The following XPO6 variants were observed in gnomAD, a reference collection of about 807,000 sequenced individuals.
The protein encoded by XPO6 is exportin 6, also known as exportin-6.
A neutral mutation model predicts 130.0 loss-of-function variants in XPO6; 3 were observed. The ratio of observed to expected loss-of-function variants is 0.02; its 90% CI spans 0.01 to 0.06. The LOEUF (loss-of-function observed/expected upper bound fraction) is 0.06. XPO6 is among the 10% of genes least tolerant of loss of function. The pLI is 1.00. For missense variants in XPO6, 970 were observed against 1,393.0 expected, an observed-to-expected ratio of 0.70 and a Z score of 4.83; for synonymous variants, 524 against 548.9, an observed-to-expected ratio of 0.95 and a Z score of 0.63.
chr16:28,123,359 C>T (rs148595345), intron 13 of XPO6, among the ~76,000 whole-genome samples: 26 of 151,314 alleles, frequency 1.7e-4, no homozygotes, highest in African/African-American at 5.2e-4. Context: ...CTGCTCACCT[C>T]AGCCTCCCAA....
intron 1 of XPO6, among the ~76,000 whole-genome samples, chr16:28,197,850 C>T (rs540329583): frequency 4.0e-4 from 55 of 136,426 alleles, no homozygotes; most frequent in African/African-American, 1.3e-3. Context: ...ACCCGGGAGG[C>T]GGAGGTTACA....
Position 28,132,654 on chromosome 16 carries a change from T to TA in XPO6, c.1537-252dup, listed in dbSNP as rs11291125. Among the ~76,000 whole-genome samples the TA allele has an allele frequency of 0.26, 36,356 of 138,188 alleles. 4,640 individuals are homozygous for TA. Among genetic ancestry groups the TA allele is most frequent in the Middle Eastern group, 0.32 (89 of 278 alleles). The allele number at this position is 138,188 out of a possible 152,430, so 90.7% of individuals were successfully genotyped here. A position where few individuals can be genotyped will look rare whatever the true frequency, so the allele number is the denominator to read the frequency against. On this transcript the variant is annotated intron_variant, in intron 11 of 23. Coordinates refer to ENST00000304658, the MANE Select transcript of XPO6 (RefSeq NM_015171.4). The surrounding 1 kb of genome is among the most constrained non-coding windows in gnomAD (Gnocchi z 4.0). ...AAACGTATTAGTTCAACCCTTTTTT[T>TA]AAAAAAAAAAAAAAAGCAAAGGACA... is the stretch of plus-strand genomic sequence containing the variant.
Position 28,156,212 on chromosome 16 carries a change from A to G in XPO6, c.959T>C (p.Met320Thr). 6.2e-7 allele frequency: 1 copy of G among 1,614,152 alleles called. No individual in the cohort carries two copies. Among genetic ancestry groups the G allele is most frequent in the Non-Finnish European group, 8.5e-7 (1 of 1,180,014 alleles). ...VLAMSCINEL[M>T]SKNCVPMEFE... The stretch of plus-strand genomic sequence containing the variant: ...TTCCATAGGCACACAGTTCTTGGAC[A>G]TGAGTTCATTGATGCAGGACATGGC... The change falls in exon 7 of 24, where the codon ATG (methionine) becomes ACG (threonine). Residue 320 changes from methionine (M) to threonine (T), a missense_variant. Met to Thr is a moderately conservative substitution (Grantham distance 81). Transcript: ENST00000304658.
At chr16:28,176,129 A>G in intron 3 of XPO6, 34 bp from the exon 4 acceptor site, 1 of 1,601,266 alleles carries the variant, frequency 6.2e-7, no homozygotes, top group Non-Finnish European at 8.5e-7. Flanking sequence ...TAAGTTAACA[A>G]CCTATACACA....
At position 28,098,039 on chromosome 16, in the gene XPO6, A is replaced by T. The variant is rs887086725; in HGVS notation, c.*499T>A. 1 of 153,122 alleles carries T rather than the reference A, an allele frequency of 6.5e-6. No homozygotes were observed. The highest frequency in any genetic ancestry group is 2.4e-5 in the African/African-American group (1 of 41,450). The allele number at this position is 153,122 out of a possible 1,614,324, so 9.5% of individuals were successfully genotyped here. A position where few individuals can be genotyped will look rare whatever the true frequency, so the allele number is the denominator to read the frequency against. On this transcript the variant is annotated 3_prime_UTR_variant, in exon 24 of 24. Transcript: ENST00000304658. ...TTAAGCTTCTTAGTTTCTTAGTATC[A>T]CAATGGAATGATGAGAAAACAACAA...
intron 7 of XPO6, chr16:28,154,211 T>G (rs2043144503): frequency 2.1e-6 from 2 of 972,098 alleles, no homozygotes; most frequent in Non-Finnish European, 1.2e-6. Flanking sequence ...ACCACCCAGC[T>G]GACTGTTCTT....
At chr16:28,145,965 G>A in intron 9 of XPO6, 129 bp downstream of exon 9, 1 of 603,776 alleles carries the variant, frequency 1.7e-6, no homozygotes, top group East Asian at 2.6e-5. Flanking sequence ...AATGCTCAAT[G>A]GCATTATTGC....
At chr16:28,146,328 T>C in intron 8 of XPO6, 125 bp from the exon 9 acceptor site, 1 of 774,408 alleles carries the variant, frequency 1.3e-6, no homozygotes. Context: ...CCCAGTTTCC[T>C]GGTAACCAAA....
chr16:28,117,138 T>G, intron 15 of XPO6, 180 bp downstream of exon 15: 1 of 731,162 alleles, frequency 1.4e-6, no homozygotes, highest in Non-Finnish European at 2.1e-6. Context: ...AAAGTAAAGT[T>G]GTATCTGAAT....
intron 8 of XPO6, among the ~76,000 whole-genome samples, chr16:28,146,633 C>T (rs897933177): frequency 5.3e-5 from 8 of 152,128 alleles, no homozygotes; most frequent in Non-Finnish European, 1.2e-4. Flanking sequence ...CAAACCATTA[C>T]GAAAGCAAAA....
At position 28,211,377 on chromosome 16, in the gene XPO6, G is replaced by C. The variant is rs950467265; in HGVS notation, c.-9C>G. ...CCAATTCCACTTACCATGCTGGCCGGGGAGGGGGCGGCTCAGATGAGCTGG... is the reference window on the plus strand; with the variant it reads ...CCAATTCCACTTACCATGCTGGCCGCGGAGGGGGCGGCTCAGATGAGCTGG... On this transcript the variant is annotated 5_prime_UTR_variant, in exon 1 of 24. Transcript: ENST00000304658. The C allele has an allele frequency of 2.3e-6, 3 of 1,312,520 alleles. No individual in the cohort carries two copies. The highest frequency in any genetic ancestry group is 2.9e-6 in the Non-Finnish European group (3 of 1,021,682). The allele number at this position is 1,312,520 out of a possible 1,614,324, so 81.3% of individuals were successfully genotyped here.
At chr16:28,186,637 TG>T (rs1170440484) in intron 1 of XPO6, among the ~76,000 whole-genome samples, 1 of 151,414 alleles carries the variant, frequency 6.6e-6, no homozygotes, top group African/African-American at 2.4e-5. Flanking sequence ...CCCAAAATGC[TG>T]GGATCACAGG....
intron 10 of XPO6, among the ~76,000 whole-genome samples, chr16:28,134,785 G>A (rs112049871): frequency 1.3e-5 from 2 of 152,334 alleles, no homozygotes; most frequent in East Asian, 3.9e-4. Flanking sequence ...AGAAGCAGAA[G>A]TTTGCATAAT....
intron 6 of XPO6, among the ~76,000 whole-genome samples, chr16:28,157,344 A>C (rs1257649625): frequency 6.6e-6 from 1 of 151,808 alleles, no homozygotes; most frequent in Non-Finnish European, 1.5e-5. Flanking sequence ...AATCCCAGCT[A>C]CTTGGGAGGC....
At chr16:28,160,881 T>C (rs988357501) in intron 6 of XPO6, among the ~76,000 whole-genome samples, 1 of 152,242 alleles carries the variant, frequency 6.6e-6, no homozygotes, top group African/African-American at 2.4e-5. Context: ...CATTTTTAAA[T>C]GAAAAAAACT....
At chr16:28,151,929 A>G (rs150645915) in intron 8 of XPO6, among the ~76,000 whole-genome samples, 1 of 152,356 alleles carries the variant, frequency 6.6e-6, no homozygotes, top group East Asian at 1.9e-4. Flanking sequence ...TGTGATAGAA[A>G]TATCTAAAAT....
At chr16:28,206,512 C>T (rs7184927) in intron 1 of XPO6, among the ~76,000 whole-genome samples, 87,485 of 151,998 alleles carry the variant, frequency 0.58, 27,531 homozygotes, top group South Asian at 0.72. Context: ...TGTGCTGCTG[C>T]GCCCCAGCCT....
At chr16:28,149,980 T>C (rs935341035) in intron 8 of XPO6, among the ~76,000 whole-genome samples, 1 of 152,212 alleles carries the variant, frequency 6.6e-6, no homozygotes, top group African/African-American at 2.4e-5. Flanking sequence ...AATTTCTTAT[T>C]CTTAAGTCTT....
At chr16:28,185,927 T>G (rs1258225217) in intron 1 of XPO6, among the ~76,000 whole-genome samples, 1 of 152,220 alleles carries the variant, frequency 6.6e-6, no homozygotes, top group Non-Finnish European at 1.5e-5. Context: ...CAGAAACAGT[T>G]AAAACTGCAA....
Sources: gnomAD v4.1 joint callset for allele counts (sites outside exome capture counted in the v4.1 genomes callset) on GRCh38, gnomAD v4.1.1 for gene constraint, Gnocchi (gnomAD v3.1) non-coding constraint, MANE v1.5 for transcripts, NCBI Gene and HGNC (gene_info 2026-07-23, HGNC 2026-07-21) for gene names.